Variants in ROBO2 observed in about 807,000 individuals in gnomAD.
The protein encoded by ROBO2 is roundabout guidance receptor 2.
A neutral mutation model predicts 160.8 loss-of-function variants in ROBO2; 53 were observed. The ratio of observed to expected loss-of-function variants is 0.33; its 90% CI spans 0.26 to 0.41. ROBO2 has a LOEUF of 0.41. Ranked by LOEUF, ROBO2 falls within the 10% of genes least tolerant of loss-of-function variation. The probability of loss-of-function intolerance (pLI) is 1.00; values close to 1 mark genes in which losing one functional copy is unlikely to be tolerated. For missense variants in ROBO2, 1,577 were observed against 1,722.4 expected (o/e 0.92, Z 1.49); for synonymous variants, 664 against 611.7 (o/e 1.09, Z -1.26).
At chr3:76,178,307 G>C (rs2073301985) in intron 2 of ROBO2, among the ~76,000 whole-genome samples, 1 of 151,996 alleles carries the variant, frequency 6.6e-6, no homozygotes, top group African/African-American at 2.4e-5. Context: ...GCGTCATACA[G>C]CAATGCTATA....
chr3:77,435,598 G>A (rs562391162), intron 2 of ROBO2, among the ~76,000 whole-genome samples: 3 of 151,850 alleles, frequency 2.0e-5, no homozygotes, highest in South Asian at 2.1e-4. Context: ...ACCCCAATTT[G>A]TAATGCATCA....
At chr3:76,578,321 C>T (rs1035648570) in intron 2 of ROBO2, among the ~76,000 whole-genome samples, 3 of 152,170 alleles carry the variant, frequency 2.0e-5, no homozygotes, top group South Asian at 2.1e-4. Flanking sequence ...TAGGTTAAAC[C>T]GCAGTTCCAC....
At chr3:76,523,319 G>A (rs1283070811) in intron 2 of ROBO2, among the ~76,000 whole-genome samples, 5 of 152,022 alleles carry the variant, frequency 3.3e-5, no homozygotes, top group East Asian at 3.9e-4. Flanking sequence ...GCTTTTAATC[G>A]ACTTTTCCCA....
intron 2 of ROBO2, among the ~76,000 whole-genome samples, chr3:76,990,387 T>G (rs2149366854): frequency 6.6e-6 from 1 of 152,280 alleles, no homozygotes; most frequent in South Asian, 2.1e-4. Flanking sequence ...TCATTTAAAT[T>G]TTTTCATGAC....
At chr3:77,476,332 T>C (rs1433328741) in intron 2 of ROBO2, among the ~76,000 whole-genome samples, 1 of 151,838 alleles carries the variant, frequency 6.6e-6, no homozygotes, top group African/African-American at 2.4e-5. Context: ...CTAATGTTGA[T>C]TTCAAACAGC....
intron 2 of ROBO2, among the ~76,000 whole-genome samples, chr3:77,015,016 C>G (rs1278396940): frequency 6.6e-6 from 1 of 151,734 alleles, no homozygotes; most frequent in African/African-American, 2.4e-5. Context: ...TCATATTGTT[C>G]CTACATCTAA....
intron 2 of ROBO2, among the ~76,000 whole-genome samples, chr3:76,332,418 T>C (rs1174000116): frequency 6.6e-6 from 1 of 152,212 alleles, no homozygotes; most frequent in Non-Finnish European, 1.5e-5. Context: ...AAATTTTTGT[T>C]ATTTGACTAA....
chr3:76,988,686 A>G (rs2060512834), intron 2 of ROBO2, among the ~76,000 whole-genome samples: 1 of 151,994 alleles, frequency 6.6e-6, no homozygotes, highest in African/African-American at 2.4e-5. Flanking sequence ...TTCCCAGTAG[A>G]TTAATTTTCT....
At position 76,345,417 on chromosome 3, in the gene ROBO2, C is replaced by A. The variant is rs1172775410; in HGVS notation, c.109+407815C>A. 1.1e-4 allele frequency among the ~76,000 whole-genome samples: 13 copies of A among 116,014 alleles called. 1 individual carries two copies. The highest frequency in any genetic ancestry group is 3.6e-4 in the African/African-American group (12 of 33,096). The allele number at this position is 116,014 out of a possible 152,430, so 76.1% of individuals were successfully genotyped here. A position where few individuals can be genotyped will look rare whatever the true frequency, so the allele number is the denominator to read the frequency against. On this transcript the variant is annotated intron_variant, in intron 2 of 26. Coordinates refer to the ROBO2 transcript ENST00000487694. ...TGTGCAGGTGTGTTTCAAGAGTAGG[C>A]AGGATATCTTTTTTCTTTTCTTTCT...
At chr3:77,200,017 G>A (rs1553840566) in intron 2 of ROBO2, among the ~76,000 whole-genome samples, 1 of 151,050 alleles carries the variant, frequency 6.6e-6, no homozygotes, top group Non-Finnish European at 1.5e-5. Flanking sequence ...CATGCAACAA[G>A]TAAGTGAATA....
chr3:76,699,898 G>A (rs1399891291), intron 2 of ROBO2, among the ~76,000 whole-genome samples: 1 of 152,034 alleles, frequency 6.6e-6, no homozygotes, highest in Non-Finnish European at 1.5e-5. Context: ...TAACACTATG[G>A]ATATTGCTGC....
At chr3:76,141,155 CTCTCTATATATATA>C (rs1337191155) in intron 2 of ROBO2, among the ~76,000 whole-genome samples, 37 of 25,018 alleles carry the variant, frequency 1.5e-3, no homozygotes, top group African/African-American at 6.6e-3. Flanking sequence ...CTCTCTCTCT[CTCTCTATATATATA>C]TATATATATA....
intron 2 of ROBO2, among the ~76,000 whole-genome samples, chr3:77,008,639 G>T (rs1184731592): frequency 6.6e-6 from 1 of 152,226 alleles, no homozygotes; most frequent in East Asian, 1.9e-4. Context: ...AGGCGATGCA[G>T]CATATACGTA....
At chr3:76,621,630 G>A (rs184348085) in intron 2 of ROBO2, among the ~76,000 whole-genome samples, 2 of 152,116 alleles carry the variant, frequency 1.3e-5, no homozygotes, top group Non-Finnish European at 2.9e-5. Flanking sequence ...AATAATAATA[G>A]CACCCACTTC....
intron 2 of ROBO2, among the ~76,000 whole-genome samples, chr3:77,121,320 A>G (rs2074744492): frequency 6.6e-6 from 1 of 152,190 alleles, no homozygotes; most frequent in South Asian, 2.1e-4. Flanking sequence ...TTCTGTCAGC[A>G]TAATCATTTT....
intron 2 of ROBO2, among the ~76,000 whole-genome samples, chr3:77,415,223 C>G (rs2077118042): frequency 6.6e-6 from 1 of 152,010 alleles, no homozygotes; most frequent in African/African-American, 2.4e-5. Context: ...TGTAGAGAAG[C>G]AATGTTAAGG....
chr3:76,064,912 AT>A (rs1283879594), intron 2 of ROBO2, among the ~76,000 whole-genome samples: 5 of 152,048 alleles, frequency 3.3e-5, no homozygotes, highest in Non-Finnish European at 4.4e-5. Flanking sequence ...GAAAGGTATG[AT>A]TTTTTTTCTT....
chr3:77,097,238 G>A (rs577761909), intron 1 of ROBO2, among the ~76,000 whole-genome samples: 1 of 152,148 alleles, frequency 6.6e-6, no homozygotes, highest in African/African-American at 2.4e-5. Flanking sequence ...GGTATCTCTT[G>A]GCATGATGCT....
At chr3:77,198,698 C>G (rs1164744905) in intron 2 of ROBO2, among the ~76,000 whole-genome samples, 1 of 152,072 alleles carries the variant, frequency 6.6e-6, no homozygotes, top group Non-Finnish European at 1.5e-5. Context: ...GTCAGGAATT[C>G]TAGACTAGCC....
Sources: allele counts gnomAD v4.1 joint callset (sites outside exome capture counted in the v4.1 genomes callset), GRCh38; gene constraint gnomAD v4.1.1; transcripts MANE v1.5; gene names NCBI Gene and HGNC (gene_info 2026-07-23, HGNC 2026-07-21).